TTC3: variants seen among roughly 807,000 people sequenced by gnomAD.
TTC3 encodes tetratricopeptide repeat domain 3, also known as E3 ubiquitin-protein ligase TTC3.
In TTC3, 180 loss-of-function variants were observed where a neutral mutation model predicts 249.6. The ratio of observed to expected loss-of-function variants is 0.72; its 90% CI spans 0.64 to 0.82. The LOEUF is 0.82. Ranked by LOEUF, TTC3 falls within the 40% of genes least tolerant of loss-of-function variation. The pLI, the probability that TTC3 is intolerant of heterozygous loss-of-function variation, is 0.00. For synonymous variants in TTC3, 717 were observed against 805.0 expected, an observed-to-expected ratio of 0.89 and a Z score of 1.85; for missense variants, 2,061 against 2,398.4, an observed-to-expected ratio of 0.86 and a Z score of 2.94.
chr21:37,196,040 T>C lies in TTC3; in HGVS notation c.5579+4T>C. 1.2e-6 allele frequency: 2 copies of C among 1,613,806 alleles called. No individual in the cohort carries two copies. Among genetic ancestry groups the C allele is most frequent in the East Asian group, 2.2e-5 (1 of 44,888 alleles). Reference sequence around the variant, plus strand: ...TGGTATTCCCATGTTACAACAGGTATGAACAGAAAATGTCTGTGACTGTGT... The same window carrying C: ...TGGTATTCCCATGTTACAACAGGTACGAACAGAAAATGTCTGTGACTGTGT... On this transcript the variant is annotated splice_donor_region_variant and intron_variant, in intron 42 of 45. Transcript: ENST00000355666.
chr21:37,193,614 G>A (rs989774983), intron 41 of TTC3, among the ~76,000 whole-genome samples: 1 of 152,134 alleles, frequency 6.6e-6, no homozygotes, highest in African/African-American at 2.4e-5. Context: ...TACTCAAAAG[G>A]ATTTTCATAT....
intron 13 of TTC3, 97 bp downstream of exon 13, chr21:37,123,125 C>A: frequency 1.6e-6 from 2 of 1,264,986 alleles, no homozygotes; most frequent in Non-Finnish European, 2.3e-6. Context: ...GAGCTAATAG[C>A]AACCACAGTA....
chr21:37,202,672 G>A (rs2085602202), exon 46 of TTC3: 1 of 152,208 alleles, frequency 6.6e-6, no homozygotes, highest in Non-Finnish European at 1.5e-5. Context: ...GTGACTTTTA[G>A]ACAGTGGTAA....
chr21:37,079,210 T>G (rs1424623164), intron 1 of TTC3, among the ~76,000 whole-genome samples: 4 of 152,202 alleles, frequency 2.6e-5, no homozygotes, highest in African/African-American at 4.8e-5. Flanking sequence ...ATGGCTAGAA[T>G]CACTTCTCAT....
intron 1 of TTC3, among the ~76,000 whole-genome samples, chr21:37,078,045 ATTT>A (rs199875404): frequency 6.7e-6 from 1 of 150,042 alleles, no homozygotes; most frequent in Admixed American, 6.6e-5. Context: ...ATCCACATTG[ATTT>A]TTTTTTTCTC....
intron 44 of TTC3, 115 bp from the exon 45 acceptor site, chr21:37,200,117 A>T: frequency 1.2e-6 from 1 of 812,846 alleles, no homozygotes; most frequent in Non-Finnish European, 1.9e-6. Flanking sequence ...TGTAATTGTG[A>T]ATAATTTGCC....
exon 33 of TTC3, chr21:37,165,991 C>T (rs1601923076): frequency 6.2e-7 from 1 of 1,614,086 alleles, no homozygotes; most frequent in African/African-American, 1.3e-5. Flanking sequence ...CAGTATCCGA[C>T]AATTCTTCTA....
chr21:37,160,738 C>G, intron 29 of TTC3, 64 bp from the exon 30 acceptor site: 1 of 1,542,444 alleles, frequency 6.5e-7, no homozygotes, highest in Non-Finnish European at 8.9e-7. Flanking sequence ...CATATGGTTT[C>G]TTTATGTTGA....
chr21:37,153,376 T>A, intron 27 of TTC3, 99 bp downstream of exon 27: 1 of 1,137,146 alleles, frequency 8.8e-7, no homozygotes, highest in Non-Finnish European at 1.2e-6. Flanking sequence ...TTTATAACTT[T>A]AAATGCAGGA....
chr21:37,088,003 G>A (rs1328367614), intron 3 of TTC3, 128 bp downstream of exon 3: 27 of 965,304 alleles, frequency 2.8e-5, no homozygotes, highest in Non-Finnish European at 3.8e-5. Context: ...TTTTTCACTA[G>A]AAATCAGAAC....
intron 35 of TTC3, among the ~76,000 whole-genome samples, chr21:37,177,856 T>G (rs1454118086): frequency 6.6e-6 from 1 of 152,238 alleles, no homozygotes. Flanking sequence ...ATTTACCTAT[T>G]AAAAATAGAC....
intron 27 of TTC3, among the ~76,000 whole-genome samples, chr21:37,155,653 A>T (rs1040555873): frequency 1.3e-5 from 2 of 152,210 alleles, no homozygotes; most frequent in African/African-American, 4.8e-5. Context: ...ACCGTTTTAT[A>T]TTAGAGGCAT....
chr21:37,154,640 T>C (rs1028758691), intron 27 of TTC3, among the ~76,000 whole-genome samples: 3 of 152,138 alleles, frequency 2.0e-5, no homozygotes. Context: ...GCCCTCCAGC[T>C]CACTGGCAGG....
At chr21:37,176,929 T>A (rs1392828957) in intron 35 of TTC3, among the ~76,000 whole-genome samples, 2 of 152,160 alleles carry the variant, frequency 1.3e-5, no homozygotes, top group African/African-American at 2.4e-5. Flanking sequence ...TACAGCAGTG[T>A]AGGCATATCA....
chr21:37,190,583 A>G (rs1334451422), intron 39 of TTC3, among the ~76,000 whole-genome samples: 1 of 152,206 alleles, frequency 6.6e-6, no homozygotes, highest in African/African-American at 2.4e-5. Context: ...CATAGGCTGC[A>G]TTGTGGCTCA....
intron 17 of TTC3, among the ~76,000 whole-genome samples, chr21:37,133,222 C>T (rs1569009639): frequency 1.3e-5 from 2 of 152,186 alleles, no homozygotes; most frequent in South Asian, 2.1e-4. Context: ...AGAGGGCAAA[C>T]TTTTATTCTT....
At chr21:37,124,109 G>GTTTTTTTTTTT (rs1167142816) in intron 13 of TTC3, among the ~76,000 whole-genome samples, 1 of 26,154 alleles carries the variant, frequency 3.8e-5, no homozygotes, top group Non-Finnish European at 7.7e-5. Context: ...TTTTTGAACT[G>GTTTTTTTTTTT]TTCTTTTTTT....
intron 18 of TTC3, among the ~76,000 whole-genome samples, chr21:37,137,274 ATTCC>A (rs2078031524): frequency 6.6e-6 from 1 of 152,208 alleles, no homozygotes; most frequent in Non-Finnish European, 1.5e-5. Context: ...TGCCATAGTG[ATTCC>A]TCTGTTGGAT....
intron 35 of TTC3, among the ~76,000 whole-genome samples, chr21:37,179,724 T>A (rs907248779): frequency 6.6e-6 from 1 of 152,138 alleles, no homozygotes; most frequent in East Asian, 1.9e-4. Context: ...AAGGTAGAAC[T>A]CCTGGGCTCA....
Sources: gnomAD v4.1 joint callset for allele counts (sites outside exome capture counted in the v4.1 genomes callset) on GRCh38, gnomAD v4.1.1 for gene constraint, MANE v1.5 for transcripts, NCBI Gene and HGNC (gene_info 2026-07-23, HGNC 2026-07-21) for gene names.